The following SP100 variants were observed in gnomAD, a reference collection of about 807,000 sequenced individuals.
SP100 encodes the protein nuclear autoantigen Sp-100.
SP100 carries 84 observed loss-of-function variants against 130.0 expected under a neutral mutation model. The ratio of observed to expected loss-of-function variants is 0.65; its 90% CI spans 0.54 to 0.77. The LOEUF (loss-of-function observed/expected upper bound fraction) is 0.77, where lower values mean the gene tolerates loss of function less well. SP100 is among the 30% of genes least tolerant of loss of function. The probability of loss-of-function intolerance (pLI) is 0.00; values close to 1 mark genes in which losing one functional copy is unlikely to be tolerated. For synonymous variants in SP100, 331 were observed against 351.7 expected (o/e 0.94, Z 0.66); for missense variants, 978 against 1,052.2 (o/e 0.93, Z 0.97).
chr2:230,517,622 A>T (rs934391011), intron 24 of SP100, among the ~76,000 whole-genome samples: 1 of 152,010 alleles, frequency 6.6e-6, no homozygotes, highest in African/African-American at 2.4e-5. Flanking sequence ...AAAATTAACC[A>T]GGCATGGTGG....
At chr2:230,476,006 C>T (rs1447709121) in intron 17 of SP100, among the ~76,000 whole-genome samples, 1 of 152,098 alleles carries the variant, frequency 6.6e-6, no homozygotes, top group African/African-American at 2.4e-5. Context: ...TTTACAATTG[C>T]TTTGGCTATT....
intron 24 of SP100, among the ~76,000 whole-genome samples, chr2:230,525,437 T>C (rs1016440310): frequency 6.6e-5 from 10 of 152,148 alleles, no homozygotes; most frequent in Admixed American, 2.0e-4. Flanking sequence ...AAGAAATACA[T>C]TGGCACTCCA....
At chr2:230,484,375 G>C (rs539616231) in intron 17 of SP100, among the ~76,000 whole-genome samples, 1 of 152,362 alleles carries the variant, frequency 6.6e-6, no homozygotes, top group African/African-American at 2.4e-5. Flanking sequence ...TTTGGAATCT[G>C]TGAATAATGA....
chr2:230,485,392 G>A (rs1013646937), intron 17 of SP100, among the ~76,000 whole-genome samples: 6 of 152,278 alleles, frequency 3.9e-5, no homozygotes, highest in African/African-American at 1.2e-4. Context: ...ATTTAAGAGA[G>A]GGTGGGGAAA....
At chr2:230,422,197 C>A (rs1041149822) in intron 2 of SP100, among the ~76,000 whole-genome samples, 1 of 152,072 alleles carries the variant, frequency 6.6e-6, no homozygotes, top group Admixed American at 6.5e-5. Context: ...TCAAGAAATC[C>A]GAAATTTTCT....
chr2:230,425,002 A>G (rs894557344), intron 2 of SP100, among the ~76,000 whole-genome samples: 2 of 152,086 alleles, frequency 1.3e-5, no homozygotes, highest in African/African-American at 4.8e-5. Flanking sequence ...AGTTGTGATT[A>G]CCTTTCTTTT....
intron 24 of SP100, among the ~76,000 whole-genome samples, chr2:230,537,268 A>G (rs987551693): frequency 2.6e-5 from 4 of 152,194 alleles, no homozygotes; most frequent in Admixed American, 1.3e-4. Context: ...CAAAACAAAA[A>G]TGCCATGCAG....
intron 17 of SP100, among the ~76,000 whole-genome samples, chr2:230,474,718 TGTTCTC>T (rs2065453386): frequency 6.6e-6 from 1 of 152,140 alleles, no homozygotes; most frequent in Non-Finnish European, 1.5e-5. Flanking sequence ...CAGTGTCTCT[TGTTCTC>T]ATCTTCACAT....
At chr2:230,497,483 GGAGGGGAGGAGAGGAGAGGA>G (rs1559520342) in intron 18 of SP100, among the ~76,000 whole-genome samples, 23 of 61,546 alleles carry the variant, frequency 3.7e-4, no homozygotes, top group African/African-American at 1.4e-3. Flanking sequence ...GGAGGGGAGG[GGAGGGGAGGAGAGGAGAGGA>G]GAGGAGAGGA....
intron 17 of SP100, among the ~76,000 whole-genome samples, chr2:230,485,618 C>A (rs1479388617): frequency 1.3e-5 from 2 of 152,070 alleles, no homozygotes; most frequent in Non-Finnish European, 2.9e-5. Flanking sequence ...ACTTTTTGGC[C>A]TGAATTACAT....
At chr2:230,529,028 A>G (rs1559536559) in intron 24 of SP100, among the ~76,000 whole-genome samples, 4 of 152,214 alleles carry the variant, frequency 2.6e-5, no homozygotes, top group Non-Finnish European at 4.4e-5. Context: ...TTCCTTCTGA[A>G]ACTATTTCAA....
rs1348522951 is a variant in SP100 at position 230,544,777 on chromosome 2, G to A, written c.*1831G>A. On this transcript the variant is annotated 3_prime_UTR_variant, in exon 29 of 29. Coordinates refer to ENST00000340126, the MANE Select transcript of SP100 (RefSeq NM_001080391.2). Reference sequence around the variant, plus strand: ...ATTACAGGCATCAGCCACCATGCCCGGATGAAAAGACACTTTCCAAAAGAA... The same window carrying A: ...ATTACAGGCATCAGCCACCATGCCCAGATGAAAAGACACTTTCCAAAAGAA... 4.6e-5 allele frequency among the ~76,000 whole-genome samples: 7 copies of A among 152,114 alleles called. No homozygotes were observed. The highest frequency in any genetic ancestry group is 2.1e-4 in the South Asian group (1 of 4,816).
rs548922397 is a variant in SP100, at chr2:230,466,842, G to A, written c.1196-278G>A. Among the ~76,000 whole-genome samples, 5 of 152,298 alleles carry A rather than the reference G, an allele frequency of 3.3e-5. No homozygotes were observed. In the South Asian group the frequency reaches 8.3e-4, roughly 25 times the overall value. The stretch of plus-strand genomic sequence containing the variant: ...AGTAAAGAAAGAAAGATAATGTGGT[G>A]TAAGAAGACAGAGGGCCAAGACAAA... On this transcript the variant is annotated intron_variant, in intron 12 of 28. Coordinates refer to ENST00000340126, the MANE Select transcript of SP100 (RefSeq NM_001080391.2).
chr2:230,466,990 AC>A, intron 12 of SP100, 129 bp from the exon 13 acceptor site: 1 of 661,292 alleles, frequency 1.5e-6, no homozygotes, highest in Non-Finnish European at 2.7e-6. Flanking sequence ...GGTTTGAGGC[AC>A]GGACATTCTT....
intron 14 of SP100, chr2:230,469,349 G>A (rs943677863): frequency 3.9e-6 from 2 of 517,806 alleles, no homozygotes; most frequent in African/African-American, 3.9e-5. Context: ...TGAGTAGAGG[G>A]GGTGCCCACA....
chr2:230,471,677 G>A (rs1432430989), intron 15 of SP100, among the ~76,000 whole-genome samples: 1 of 152,020 alleles, frequency 6.6e-6, no homozygotes, highest in Non-Finnish European at 1.5e-5. Context: ...ACAGACTCGG[G>A]CTGCTTGCGA....
intron 2 of SP100, among the ~76,000 whole-genome samples, chr2:230,426,060 G>T (rs1298287313): frequency 1.3e-5 from 2 of 151,924 alleles, no homozygotes; most frequent in African/African-American, 2.4e-5. Flanking sequence ...GTAATCTCAC[G>T]ATTCTTTGCA....
chr2:230,455,541 A>G (rs2064231845), intron 8 of SP100, among the ~76,000 whole-genome samples: 1 of 152,196 alleles, frequency 6.6e-6, no homozygotes, highest in Non-Finnish European at 1.5e-5. Context: ...TGCAAGCCAC[A>G]TATACTTGGT....
Position 230,449,700 on chromosome 2 carries a change from T to G in SP100, c.726T>G (p.Ala242=). Reference sequence around the variant, plus strand: ...CAAATGAACAATGTGCTCAAAAGGCTGAGCCAACAGGTAAGACTGACTGGG... The same window carrying G: ...CAAATGAACAATGTGCTCAAAAGGCGGAGCCAACAGGTAAGACTGACTGGG... ...QQTNEQCAQK[A]EPTESCEQIA... is the part of the protein sequence containing the mutation. Residue 242 remains alanine, a synonymous_variant, in exon 7 of 29, where the codon GCT becomes GCG. Transcript: ENST00000340126. 1 of 1,614,116 alleles carries G rather than the reference T, an allele frequency of 6.2e-7. No individual in the cohort carries two copies. The highest frequency in any genetic ancestry group is 8.5e-7 in the Non-Finnish European group (1 of 1,180,018).
Sources: allele counts gnomAD v4.1 joint callset (sites outside exome capture counted in the v4.1 genomes callset), GRCh38; gene constraint gnomAD v4.1.1; transcripts MANE v1.5; gene names NCBI Gene and HGNC (gene_info 2026-07-23, HGNC 2026-07-21).